COG5: variants seen among roughly 807,000 people sequenced by gnomAD.
COG5 encodes component of oligomeric golgi complex 5, also known as conserved oligomeric Golgi complex subunit 5.
Under a neutral mutation model 110.4 loss-of-function variants are expected in COG5, and 86 were observed. That is an observed-to-expected ratio of 0.78 (90% confidence interval 0.65 to 0.93). The LOEUF (loss-of-function observed/expected upper bound fraction) is 0.93, where lower values mean the gene tolerates loss of function less well. Among genes scored for constraint, COG5 ranks in the 40% least tolerant of loss-of-function variants. COG5 has a pLI of 0.00. For missense variants in COG5, 1,077 were observed against 987.0 expected, an observed-to-expected ratio of 1.09 and a Z score of -1.22; for synonymous variants, 360 against 334.6, an observed-to-expected ratio of 1.08 and a Z score of -0.83.
intron 10 of COG5, among the ~76,000 whole-genome samples, chr7:107,347,772 T>C: frequency 6.6e-6 from 1 of 152,190 alleles, no homozygotes; most frequent in African/African-American, 2.4e-5. Flanking sequence ...TATTATTTCT[T>C]ATTCTTCTTT....
At chr7:107,478,143 T>C (rs1399821785) in intron 6 of COG5, among the ~76,000 whole-genome samples, 1 of 151,944 alleles carries the variant, frequency 6.6e-6, no homozygotes, top group Non-Finnish European at 1.5e-5. Context: ...TTATTCCGCA[T>C]AGTATTTTAA....
At position 107,244,420 on chromosome 7, in the gene COG5, A is replaced by G. The variant is rs147324369; in HGVS notation, c.1853+3976T>C. Reference sequence around the variant, plus strand: ...ACCTAACTTTACAACTTAAAGCATTAGAAAAGCATGAACAAATCAACAAAG... The same window carrying G: ...ACCTAACTTTACAACTTAAAGCATTGGAAAAGCATGAACAAATCAACAAAG... On this transcript the variant is annotated intron_variant, in intron 17 of 21. Coordinates refer to ENST00000297135, the MANE Select transcript of COG5 (RefSeq NM_006348.5). 1.3e-3 allele frequency among the ~76,000 whole-genome samples: 204 copies of G among 152,354 alleles called. 1 individual carries two copies. The highest frequency in any genetic ancestry group is 4.5e-3 in the African/African-American group (186 of 41,574).
intron 6 of COG5, among the ~76,000 whole-genome samples, chr7:107,416,483 T>C (rs911865632): frequency 1.3e-5 from 2 of 152,114 alleles, no homozygotes; most frequent in African/African-American, 4.8e-5. Flanking sequence ...TTAACAACAT[T>C]TGGAAAAATT....
intron 14 of COG5, among the ~76,000 whole-genome samples, chr7:107,268,094 T>C (rs1426956053): frequency 1.3e-5 from 2 of 151,956 alleles, no homozygotes; most frequent in African/African-American, 4.8e-5. Flanking sequence ...TCAGCCTCCT[T>C]AGTAGCTGAG....
intron 6 of COG5, among the ~76,000 whole-genome samples, chr7:107,487,595 T>C (rs1415395831): frequency 1.3e-5 from 2 of 152,080 alleles, no homozygotes; most frequent in African/African-American, 4.8e-5. Context: ...TTTTGAAATA[T>C]TAAGCAAAAA....
Position 107,203,594 on chromosome 7 carries a change from A to G in COG5, c.2412T>C (p.Ser804=). 6.2e-7 allele frequency: 1 copy of G among 1,614,102 alleles called. No individual in the cohort carries two copies. Among genetic ancestry groups the G allele is most frequent in the Non-Finnish European group, 8.5e-7 (1 of 1,179,984 alleles). Residue 804 remains serine, a synonymous_variant, in exon 22 of 22, where the codon AGT becomes AGC. Coordinates refer to ENST00000297135, the MANE Select transcript of COG5 (RefSeq NM_006348.5). The part of the protein sequence containing the change: ...ALEAYVQSVR[S]REGKEFAPVY... ...CTGGTGCAAATTCTTTGCCTTCTCTACTTCTCACTGATTGAACATAAGCTT... is the reference window on the plus strand; with the variant it reads ...CTGGTGCAAATTCTTTGCCTTCTCTGCTTCTCACTGATTGAACATAAGCTT...
chr7:107,228,252 G>C (rs541434398), intron 19 of COG5, among the ~76,000 whole-genome samples: 136 of 146,184 alleles, frequency 9.3e-4, no homozygotes, highest in African/African-American at 3.4e-3. Context: ...AGTAAGCTGA[G>C]ATGGAGATCG....
At chr7:107,531,775 G>A (rs67869824) in intron 5 of COG5, among the ~76,000 whole-genome samples, 6,983 of 150,640 alleles carry the variant, frequency 0.046, 196 homozygotes, top group Middle Eastern at 0.072. Flanking sequence ...GTTCCATTTC[G>A]GCCAGCAGAA....
chr7:107,327,503 G>A (rs1330005959), intron 10 of COG5, among the ~76,000 whole-genome samples: 1 of 151,968 alleles, frequency 6.6e-6, no homozygotes, highest in African/African-American at 2.4e-5. Context: ...AGAGTAAAAA[G>A]GCAACCTACA....
chr7:107,345,815 C>T (rs1811554542), intron 10 of COG5, among the ~76,000 whole-genome samples: 2 of 152,058 alleles, frequency 1.3e-5, no homozygotes, highest in African/African-American at 4.8e-5. Flanking sequence ...ATATGCCCAC[C>T]TAAGAGTATG....
chr7:107,524,170 C>G (rs560834906), intron 6 of COG5, among the ~76,000 whole-genome samples: 2 of 152,266 alleles, frequency 1.3e-5, no homozygotes, highest in South Asian at 4.1e-4. Flanking sequence ...CTCTCCCTTT[C>G]AAAGTGTACA....
intron 12 of COG5, among the ~76,000 whole-genome samples, chr7:107,284,982 G>T (rs1805503178): frequency 6.6e-6 from 1 of 152,028 alleles, no homozygotes; most frequent in African/African-American, 2.4e-5. Flanking sequence ...TCACCCTTCT[G>T]GTCCACTGAT....
At chr7:107,554,459 G>T in intron 2 of COG5, 117 bp from the exon 3 acceptor site, 16 of 854,598 alleles carry the variant, frequency 1.9e-5, no homozygotes, top group Non-Finnish European at 2.3e-5. Context: ...AAATACAAAA[G>T]AAAAAACCAC....
At position 107,546,606 on chromosome 7, in the gene COG5, T is replaced by C. The variant is rs553865156; in HGVS notation, c.417+1505A>G. Among the ~76,000 whole-genome samples the C allele has an allele frequency of 5.4e-4, 82 of 151,536 alleles. 1 individual carries two copies. The highest frequency in any genetic ancestry group is 1.3e-3 in the African/African-American group (53 of 41,372). On this transcript the variant is annotated intron_variant, in intron 5 of 21. Transcript: ENST00000297135. ...GTGTCACCATGCCTTGCTATAAGAG[T>C]TGGTGTTTTGAATAGATAAATCAAA... is the stretch of plus-strand genomic sequence containing the variant.
chr7:107,372,966 CTATG>C (rs1814315459), intron 7 of COG5, among the ~76,000 whole-genome samples: 1 of 151,982 alleles, frequency 6.6e-6, no homozygotes, highest in Non-Finnish European at 1.5e-5. Flanking sequence ...AAGTTAAATA[CTATG>C]TATATTATTT....
At chr7:107,470,922 T>G (rs941192700) in intron 6 of COG5, among the ~76,000 whole-genome samples, 1 of 151,904 alleles carries the variant, frequency 6.6e-6, no homozygotes, top group Non-Finnish European at 1.5e-5. Flanking sequence ...TAGTATCTTA[T>G]GAAATCTGTT....
At chr7:107,235,325 T>G (rs1019416678) in intron 18 of COG5, among the ~76,000 whole-genome samples, 1 of 152,154 alleles carries the variant, frequency 6.6e-6, no homozygotes, top group African/African-American at 2.4e-5. Context: ...TCTTTATAAG[T>G]GGGGAGGATC....
In COG5 at chr7:107,563,824, C is replaced by A. The variant is rs1287183923; in HGVS notation, c.73G>T (p.Val25Phe). ...TTACCGTCCTGCAGAAGTTCCCGGA[C>A]TGTAGCTGCAGCCGCTCCAGAGCCT... is the stretch of plus-strand genomic sequence containing the variant. The part of the protein sequence containing the change: ...ARGSGAAAAT[V>F]RELLQDGCYS... The change falls in exon 1 of 22, where the codon GTC becomes TTC. Residue 25 changes from valine to phenylalanine, a missense_variant. Val to Phe is a conservative substitution (Grantham distance 50). Coordinates refer to ENST00000297135, the MANE Select transcript of COG5 (RefSeq NM_006348.5). 6.2e-7 allele frequency: 1 copy of A among 1,613,858 alleles called. No homozygotes were observed. Among genetic ancestry groups the A allele is most frequent in the Admixed American group, 1.7e-5 (1 of 60,024 alleles).
intron 19 of COG5, among the ~76,000 whole-genome samples, chr7:107,223,749 CA>C (rs1439730575): frequency 1.3e-5 from 2 of 152,178 alleles, no homozygotes; most frequent in Non-Finnish European, 2.9e-5. Context: ...ATGGTGGTTA[CA>C]AGCACAGGCT....
Sources: gnomAD v4.1 joint callset for allele counts (sites outside exome capture counted in the v4.1 genomes callset) on GRCh38, gnomAD v4.1.1 for gene constraint, MANE v1.5 for transcripts, NCBI Gene and HGNC (gene_info 2026-07-23, HGNC 2026-07-21) for gene names.